RNF213: variants seen among roughly 807,000 people sequenced by gnomAD.
RNF213 encodes the protein E3 ubiquitin-protein ligase RNF213.
A neutral mutation model predicts 514.4 loss-of-function variants in RNF213; 341 were observed. The ratio of observed to expected loss-of-function variants is 0.66; its 90% CI spans 0.61 to 0.73. The LOEUF (loss-of-function observed/expected upper bound fraction) is 0.73. Ranked by LOEUF, RNF213 falls within the 30% of genes least tolerant of loss-of-function variation. RNF213 has a pLI of 0.00. For missense variants in RNF213, 5,767 were observed against 6,615.6 expected, an observed-to-expected ratio of 0.87 and a Z score of 4.45; for synonymous variants, 2,655 against 2,658.2, an observed-to-expected ratio of 1.00 and a Z score of 0.04.
chr17:80,322,292 C>G (rs568793135), intron 17 of RNF213, among the ~76,000 whole-genome samples: 1 of 151,136 alleles, frequency 6.6e-6, no homozygotes, highest in East Asian at 2.0e-4. Context: ...TCCCGAGTAG[C>G]AGGGACTACA....
intron 23 of RNF213, 35 bp from the exon 24 acceptor site, chr17:80,337,551 A>G (rs2078022832): frequency 3.3e-6 from 5 of 1,534,258 alleles, no homozygotes; most frequent in South Asian, 2.4e-5. Flanking sequence ...CCTCGCTCCA[A>G]CCGTGGCCCG....
intron 59 of RNF213, among the ~76,000 whole-genome samples, chr17:80,384,501 T>G (rs967530013): frequency 1.3e-5 from 2 of 152,216 alleles, no homozygotes; most frequent in Non-Finnish European, 2.9e-5. Flanking sequence ...TGGACTATTA[T>G]TTGCTGTCTA....
At chr17:80,295,876 A>T in intron 10 of RNF213, 63 bp downstream of exon 10, 10 of 1,582,240 alleles carry the variant, frequency 6.3e-6, no homozygotes, top group Non-Finnish European at 8.7e-6. Flanking sequence ...CTGATTGCAA[A>T]AATAAGTGCT....
At chr17:80,282,082 C>G (rs1280870262) in intron 3 of RNF213, among the ~76,000 whole-genome samples, 1 of 152,078 alleles carries the variant, frequency 6.6e-6, no homozygotes, top group Non-Finnish European at 1.5e-5. Context: ...GTTTCAAGCT[C>G]CTGACCTCAA....
At chr17:80,382,866 A>G (rs2080077556) in intron 57 of RNF213, 113 bp from the exon 58 acceptor site, 2 of 717,726 alleles carry the variant, frequency 2.8e-6, no homozygotes, top group African/African-American at 1.8e-5. Context: ...TTAGAAAGCT[A>G]TTACCTCAAA....
intron 57 of RNF213, 105 bp downstream of exon 57, chr17:80,381,832 G>C: frequency 1.9e-6 from 2 of 1,063,364 alleles, no homozygotes; most frequent in Middle Eastern, 2.0e-4. Flanking sequence ...TCTGAGCTCT[G>C]TCTGTGCTGT....
At chr17:80,291,938 C>A in intron 8 of RNF213, 111 bp downstream of exon 8, 1 of 1,163,756 alleles carries the variant, frequency 8.6e-7, no homozygotes, top group Non-Finnish European at 1.2e-6. Flanking sequence ...GCAGTGAGGT[C>A]CTCTTTGCTC....
rs558230133 is a variant in RNF213, at chr17:80,351,902, T to C, written c.10303+99T>C. The C allele has an allele frequency of 4.3e-6, 3 of 692,460 alleles. No individual in the cohort carries two copies. The East Asian group carries it at 9.2e-5, about 21-fold the overall frequency. The allele number at this position is 692,460 out of a possible 1,614,324, so 42.9% of individuals were successfully genotyped here. The stretch of plus-strand genomic sequence containing the variant: ...ATGGAGTCTTGCTCTGTCACCAGGC[T>C]GGAGTGCAGTGGCGCGATCTCAGCT... On this transcript the variant is annotated intron_variant, in intron 32 of 67. Coordinates refer to ENST00000582970, the MANE Select transcript of RNF213 (RefSeq NM_001256071.3).
chr17:80,368,391 A>C (rs1398943339), intron 44 of RNF213, among the ~76,000 whole-genome samples: 1 of 152,044 alleles, frequency 6.6e-6, no homozygotes, highest in Non-Finnish European at 1.5e-5. Flanking sequence ...GAAAGTCTTA[A>C]CAAAGGTCCT....
intron 59 of RNF213, chr17:80,384,772 A>G: frequency 2.0e-6 from 1 of 488,196 alleles, no homozygotes; most frequent in Non-Finnish European, 3.7e-6. Context: ...GATTTCCTTC[A>G]TCAGCCTTTG....
intron 3 of RNF213, among the ~76,000 whole-genome samples, chr17:80,276,955 G>T (rs977362092): frequency 6.6e-6 from 1 of 152,006 alleles, no homozygotes; most frequent in African/African-American, 2.4e-5. Context: ...TACTTGGGCG[G>T]CTGAGGCAGG....
intron 2 of RNF213, among the ~76,000 whole-genome samples, chr17:80,267,592 C>T (rs1231564294): frequency 6.6e-6 from 1 of 152,220 alleles, no homozygotes; most frequent in Non-Finnish European, 1.5e-5. Flanking sequence ...CAGTAAAGCC[C>T]TAACTCTCCT....
rs1274795275 is a variant in RNF213, at chr17:80,317,415, T to A, written c.2901+138T>A. The A allele has an allele frequency of 1.3e-6, 1 of 793,570 alleles. No individual in the cohort carries two copies. The highest frequency in any genetic ancestry group is 2.2e-6 in the Non-Finnish European group (1 of 458,040). 49.2% of individuals were successfully genotyped at this position (793,570 alleles called of 1,614,324 possible). On this transcript the variant is annotated intron_variant, in intron 16 of 67. Coordinates refer to ENST00000582970, the MANE Select transcript of RNF213 (RefSeq NM_001256071.3). This position sits in a 1 kb window ranked among gnomAD's most constrained non-coding sequence, Gnocchi z 4.1. ...GGTGAATCACAGCTCCGTGTTTCTG[T>A]TTCTGATCCAGCCCTTATAGTCTGT...
chr17:80,355,416 G>GACACCTTCCTCGTGACC (rs2078720803), intron 36 of RNF213: 1 of 238,928 alleles, frequency 4.2e-6, no homozygotes, highest in Non-Finnish European at 9.2e-6. Context: ...GGGGCTCACG[G>GACACCTTCCTCGTGACC]AGGAAGAAGC....
chr17:80,337,428 C>A, intron 23 of RNF213, 158 bp from the exon 24 acceptor site: 1 of 882,904 alleles, frequency 1.1e-6, no homozygotes, highest in Non-Finnish European at 1.7e-6. Context: ...GCACCTGGTC[C>A]AGCTGGGGCG....
rs1348242900 is a variant in RNF213, at chr17:80,373,159, G to A, written c.12936G>A (p.Lys4312=). Residue 4312 remains lysine (K), a synonymous_variant, in exon 49 of 68, where the codon AAG becomes AAA. Coordinates refer to ENST00000582970, the MANE Select transcript of RNF213 (RefSeq NM_001256071.3). The part of the protein sequence containing the change: ...HQWVFPKDVV[K]QQGLRQDHPG... Reference sequence around the variant, plus strand: ...GGGTGTTTCCCAAGGACGTTGTCAAGCAGCAGGTGAGAAGCGGGGCCGGGC... The same window carrying A: ...GGGTGTTTCCCAAGGACGTTGTCAAACAGCAGGTGAGAAGCGGGGCCGGGC... 1 of 1,610,216 alleles carries A rather than the reference G, an allele frequency of 6.2e-7. No individual in the cohort carries two copies. Among genetic ancestry groups the A allele is most frequent in the East Asian group, 2.2e-5 (1 of 44,876 alleles).
rs911016732 is a variant in RNF213 at position 80,290,436 on chromosome 17, T to G, written c.1113-134T>G. On this transcript the variant is annotated intron_variant, in intron 6 of 67. Transcript: ENST00000582970. ...GTGCGTGTGTGCGAGTGTGCGCGTG[T>G]GTGCATGTGTGTGTGCGAGTGCATG... 6.8e-5 allele frequency: 72 copies of G among 1,056,272 alleles called. No homozygotes were observed. In the African/African-American group the frequency reaches 1.1e-3, roughly 16 times the overall value. 65.4% of individuals were successfully genotyped at this position (1,056,272 alleles called of 1,614,324 possible).
chr17:80,343,970 C>T lies in RNF213; in HGVS notation c.6297C>T (p.Ile2099=). 1 of 1,614,176 alleles carries T rather than the reference C, an allele frequency of 6.2e-7. No homozygotes were observed. Among genetic ancestry groups the T allele is most frequent in the Non-Finnish European group, 8.5e-7 (1 of 1,180,024 alleles). The change falls in exon 28 of 68, where the codon ATC becomes ATT. Residue 2099 remains isoleucine, a synonymous_variant. Transcript: ENST00000582970. This position sits in a 1 kb window ranked among gnomAD's most constrained non-coding sequence, Gnocchi z 4.3. ...RNPCHLYIVE[I]LERRTSVPSR... ...CCTGCCATTTGTATATCGTTGAAAT[C>T]CTGGAAAGGAGGACGTCAGTGCCGT...
intron 46 of RNF213, among the ~76,000 whole-genome samples, chr17:80,370,740 C>T (rs891540310): frequency 1.2e-4 from 19 of 152,162 alleles, no homozygotes; most frequent in East Asian, 3.8e-4. Context: ...GGTTATCAGC[C>T]GGCTGCTGTG....
Sources: allele counts gnomAD v4.1 joint callset (sites outside exome capture counted in the v4.1 genomes callset), GRCh38; gene constraint gnomAD v4.1.1; non-coding constraint Gnocchi (gnomAD v3.1); transcripts MANE v1.5; gene names NCBI Gene and HGNC (gene_info 2026-07-23, HGNC 2026-07-21).